The following SGCZ variants were observed in gnomAD, a reference collection of about 807,000 sequenced individuals.
The protein encoded by SGCZ is zeta-sarcoglycan.
SGCZ carries 40 observed loss-of-function variants against 41.3 expected under a neutral mutation model. The observed-to-expected ratio is 0.97, with a 90% CI of 0.75 to 1.26. The LOEUF is 1.26. Ranked by LOEUF, SGCZ falls within the 50% of genes most tolerant of loss-of-function variation. The pLI, the probability that SGCZ is intolerant of heterozygous loss-of-function variation, is 0.00. For synonymous variants in SGCZ, 206 were observed against 137.5 expected (o/e 1.50, Z -3.49); for missense variants, 552 against 369.8 (o/e 1.49, Z -4.04).
intron 2 of SGCZ, among the ~76,000 whole-genome samples, chr8:14,357,523 T>C (rs1201349630): frequency 2.0e-5 from 3 of 152,168 alleles, no homozygotes; most frequent in Non-Finnish European, 4.4e-5. Flanking sequence ...TACCTTTGAA[T>C]TGAATGAAGT....
chr8:14,215,538 T>C (rs1385491625), intron 4 of SGCZ, among the ~76,000 whole-genome samples: 1 of 147,976 alleles, frequency 6.8e-6, no homozygotes, highest in East Asian at 2.0e-4. Context: ...GCAGAAAAAA[T>C]AGAGAAAAAT....
At chr8:14,893,705 T>C (rs944676511) in intron 1 of SGCZ, among the ~76,000 whole-genome samples, 2 of 152,210 alleles carry the variant, frequency 1.3e-5, no homozygotes, top group South Asian at 4.1e-4. Flanking sequence ...TAAGCGCTCA[T>C]GGCTTTAATG....
intron 1 of SGCZ, among the ~76,000 whole-genome samples, chr8:14,724,935 G>C (rs951177660): frequency 6.6e-6 from 1 of 151,816 alleles, no homozygotes; most frequent in African/African-American, 2.4e-5. Context: ...CTTAATACTA[G>C]ATCTTATTCC....
intron 3 of SGCZ, among the ~76,000 whole-genome samples, chr8:14,285,833 C>T (rs910634127): frequency 1.3e-5 from 2 of 152,090 alleles, no homozygotes; most frequent in Admixed American, 6.6e-5. Flanking sequence ...GCTTATACTG[C>T]AACCTTCAGG....
chr8:14,511,637 T>G (rs1802471376), intron 2 of SGCZ, among the ~76,000 whole-genome samples: 1 of 152,132 alleles, frequency 6.6e-6, no homozygotes, highest in Non-Finnish European at 1.5e-5. Context: ...TACAAATATT[T>G]CTACACTAAT....
chr8:14,674,566 T>A (rs1049098070), intron 1 of SGCZ, among the ~76,000 whole-genome samples: 1 of 152,192 alleles, frequency 6.6e-6, no homozygotes, highest in Non-Finnish European at 1.5e-5. Context: ...ATTCCACAAA[T>A]TTCAGTTTTG....
chr8:14,153,360 T>G (rs1803769263), intron 5 of SGCZ, among the ~76,000 whole-genome samples: 1 of 152,198 alleles, frequency 6.6e-6, no homozygotes, highest in Non-Finnish European at 1.5e-5. Context: ...GGGAAAGTTT[T>G]GACTTTGTCA....
At chr8:14,352,656 G>C (rs1803144212) in intron 2 of SGCZ, among the ~76,000 whole-genome samples, 1 of 152,068 alleles carries the variant, frequency 6.6e-6, no homozygotes, top group Non-Finnish European at 1.5e-5. Context: ...TGTTCCCAAA[G>C]ACAAATGGAT....
chr8:14,858,027 G>A (rs1050342875), intron 1 of SGCZ, among the ~76,000 whole-genome samples: 2 of 152,006 alleles, frequency 1.3e-5, no homozygotes, highest in African/African-American at 4.8e-5. Context: ...GAACATTATG[G>A]TCTGTAATGT....
At chr8:14,268,787 T>C (rs985485029) in intron 3 of SGCZ, among the ~76,000 whole-genome samples, 4 of 151,970 alleles carry the variant, frequency 2.6e-5, no homozygotes, top group African/African-American at 9.6e-5. Context: ...TTAAAAAATC[T>C]AGTTACATAT....
At chr8:14,476,846 A>G (rs1338520008) in intron 2 of SGCZ, among the ~76,000 whole-genome samples, 1 of 152,164 alleles carries the variant, frequency 6.6e-6, no homozygotes, top group Non-Finnish European at 1.5e-5. Flanking sequence ...GTCTTAGACA[A>G]TCAGTCCCCA....
At chr8:14,407,689 A>AG (rs1324664506) in intron 2 of SGCZ, among the ~76,000 whole-genome samples, 2 of 152,172 alleles carry the variant, frequency 1.3e-5, no homozygotes, top group Admixed American at 6.6e-5. Flanking sequence ...GAACTGAGAA[A>AG]GGCTGTCAAT....
intron 2 of SGCZ, among the ~76,000 whole-genome samples, chr8:14,440,865 A>G (rs1693375570): frequency 6.6e-6 from 1 of 151,782 alleles, no homozygotes; most frequent in Non-Finnish European, 1.5e-5. Flanking sequence ...ACACACACAC[A>G]CACACACGCA....
intron 3 of SGCZ, among the ~76,000 whole-genome samples, chr8:14,243,081 G>A (rs961067121): frequency 6.6e-6 from 1 of 152,136 alleles, no homozygotes; most frequent in African/African-American, 2.4e-5. Flanking sequence ...TCCAAATGAG[G>A]AGGGTATGTT....
chr8:14,133,615 G>A (rs78613823), intron 5 of SGCZ, among the ~76,000 whole-genome samples: 7,362 of 152,182 alleles, frequency 0.048, 607 homozygotes, highest in African/African-American at 0.17. Flanking sequence ...GGTAGGACAA[G>A]TAAAAAACTC....
At chr8:14,788,521 T>C (rs1233601321) in intron 1 of SGCZ, among the ~76,000 whole-genome samples, 1 of 152,214 alleles carries the variant, frequency 6.6e-6, no homozygotes, top group Non-Finnish European at 1.5e-5. Flanking sequence ...GACAGTAGCT[T>C]AACTTTTTAA....
rs978381191 is a variant in SGCZ, at chr8:14,596,129, A to G, written c.40-41203T>C. Among the ~76,000 whole-genome samples, 12 of 152,352 alleles carry G rather than the reference A, an allele frequency of 7.9e-5. No homozygotes were observed. The East Asian group carries it at 2.3e-3, about 29-fold the overall frequency. On this transcript the variant is annotated intron_variant, in intron 1 of 7. Transcript: ENST00000382080. Reference sequence around the variant, plus strand: ...TTTATCTCACTTAGTATCTGTCACAATGATGAGTGAGAATATACTCTGCAG... The same window carrying G: ...TTTATCTCACTTAGTATCTGTCACAGTGATGAGTGAGAATATACTCTGCAG...
chr8:14,968,454 T>C (rs1801188821), intron 1 of SGCZ, among the ~76,000 whole-genome samples: 1 of 152,138 alleles, frequency 6.6e-6, no homozygotes, highest in Non-Finnish European at 1.5e-5. Flanking sequence ...TTTGTTAACA[T>C]TTTATTCAAT....
intron 4 of SGCZ, among the ~76,000 whole-genome samples, chr8:14,236,712 A>G (rs971690612): frequency 6.6e-6 from 1 of 151,574 alleles, no homozygotes; most frequent in Non-Finnish European, 1.5e-5. Context: ...ACAGATATGT[A>G]ATGTTTATGG....
Sources: allele counts gnomAD v4.1 joint callset (sites outside exome capture counted in the v4.1 genomes callset), GRCh38; gene constraint gnomAD v4.1.1; transcripts MANE v1.5; gene names NCBI Gene and HGNC (gene_info 2026-07-23, HGNC 2026-07-21).